The following PAQR3 variants were observed in gnomAD, a reference collection of about 807,000 sequenced individuals.
PAQR3 encodes progestin and adipoQ receptor family member 3.
A neutral mutation model predicts 41.7 loss-of-function variants in PAQR3; 39 were observed. The observed-to-expected ratio is 0.93, with a 90% confidence interval of 0.72 to 1.22. The LOEUF is 1.22. PAQR3 is among the 50% of genes most tolerant of loss of function. PAQR3 has a pLI of 0.00. For missense variants in PAQR3, 366 were observed against 385.6 expected (o/e 0.95, Z 0.42); for synonymous variants, 140 against 140.6 (o/e 1.00, Z 0.03).
chr4:78,938,314 TA>T (rs1043618969), intron 1 of PAQR3, among the ~76,000 whole-genome samples: 28 of 152,276 alleles, frequency 1.8e-4, no homozygotes, highest in Non-Finnish European at 4.4e-5. Flanking sequence ...TTTGTTTTTT[TA>T]AAACACGGAT....
At chr4:78,896,806 T>C (rs1300836864) in intron 11 of PAQR3, among the ~76,000 whole-genome samples, 1 of 152,204 alleles carries the variant, frequency 6.6e-6, no homozygotes, top group East Asian at 1.9e-4. Flanking sequence ...TTTAAATAAT[T>C]CTTTATTGAA....
At chr4:78,933,762 T>C (rs1737152774) in intron 2 of PAQR3, among the ~76,000 whole-genome samples, 1 of 152,234 alleles carries the variant, frequency 6.6e-6, no homozygotes, top group African/African-American at 2.4e-5. Flanking sequence ...TTAATCCTTT[T>C]TAGTTTTGCA....
chr4:78,919,100 CACA>C lies in PAQR3; in HGVS notation c.*1436_*1438del. ...CAAAAACACTACACTGGAAAAGAAA[CACA>C]ACATTTTACTGATGTATTAACTGAG... On this transcript the variant is annotated 3_prime_UTR_variant, in exon 6 of 6. Transcript: ENST00000512733. The C allele has an allele frequency of 1.0e-6, 1 of 984,918 alleles. No individual in the cohort carries two copies. Among genetic ancestry groups the C allele is most frequent in the East Asian group, 1.1e-4 (1 of 8,802 alleles). 61.0% of individuals were successfully genotyped at this position (984,918 alleles called of 1,614,324 possible).
At chr4:78,898,572 CTG>C (rs1733831481) in intron 11 of PAQR3, among the ~76,000 whole-genome samples, 2 of 149,820 alleles carry the variant, frequency 1.3e-5, no homozygotes, top group Admixed American at 6.6e-5. Flanking sequence ...ACTGGAAAGA[CTG>C]TAATCTTTCT....
downstream of PAQR3, chr4:78,911,701 G>T: frequency 6.2e-7 from 1 of 1,613,890 alleles, no homozygotes; most frequent in Non-Finnish European, 8.5e-7. Flanking sequence ...ACTGACTGAT[G>T]GGAAAGATAG....
intron 11 of PAQR3, among the ~76,000 whole-genome samples, chr4:78,903,661 T>C (rs1377691495): frequency 3.0e-4 from 46 of 151,980 alleles, no homozygotes; most frequent in Non-Finnish European, 2.9e-5. Context: ...TAAAGCCTTA[T>C]AGTGTTTCTA....
intron 11 of PAQR3, among the ~76,000 whole-genome samples, chr4:78,899,639 G>A (rs1252012344): frequency 6.6e-6 from 1 of 151,816 alleles, no homozygotes; most frequent in Non-Finnish European, 1.5e-5. Flanking sequence ...AGAAGTACAG[G>A]AGGGCTGAAG....
rs1735480175 is a variant in PAQR3 at position 78,919,813 on chromosome 4, ATAT to A, written c.*723_*725del. On this transcript the variant is annotated 3_prime_UTR_variant, in exon 6 of 6. Coordinates refer to ENST00000512733, the MANE Select transcript of PAQR3 (RefSeq NM_001040202.2). ...TAAAATGTTTAGGTGGCTAATGACT[ATAT>A]TATTTGACCACATAATTTGTTGTCT... The A allele has an allele frequency of 1.0e-6, 1 of 982,242 alleles. No individual in the cohort carries two copies. The highest frequency in any genetic ancestry group is 1.2e-6 in the Non-Finnish European group (1 of 827,022). The allele number at this position is 982,242 out of a possible 1,614,324, so 60.8% of individuals were successfully genotyped here.
At chr4:78,938,032 C>T (rs572283508) in intron 1 of PAQR3, among the ~76,000 whole-genome samples, 1 of 152,292 alleles carries the variant, frequency 6.6e-6, no homozygotes, top group East Asian at 1.9e-4. Flanking sequence ...AGTGATGTCA[C>T]CTTGTGACCA....
intron 5 of PAQR3, chr4:78,922,385 G>A (rs985575976): frequency 5.4e-6 from 7 of 1,288,698 alleles, no homozygotes; most frequent in Middle Eastern, 2.1e-4. Flanking sequence ...CGTGACGAGT[G>A]GTACAATCCC....
intron 4 of PAQR3, among the ~76,000 whole-genome samples, chr4:78,926,218 T>C (rs1212559450): frequency 1.3e-5 from 2 of 152,144 alleles, no homozygotes; most frequent in African/African-American, 4.8e-5. Flanking sequence ...GCTAGAAACT[T>C]TGGAGTCCTC....
chr4:78,888,338 C>T (rs142883470), intron 11 of PAQR3, among the ~76,000 whole-genome samples: 7 of 152,258 alleles, frequency 4.6e-5, no homozygotes, highest in African/African-American at 1.7e-4. Flanking sequence ...TAAATGTGTT[C>T]CCTTATACCC....
chr4:78,902,198 G>A (rs1453086227), intron 11 of PAQR3, among the ~76,000 whole-genome samples: 1 of 152,124 alleles, frequency 6.6e-6, no homozygotes, highest in East Asian at 1.9e-4. Flanking sequence ...TCACTGACTT[G>A]CTTAAGCTTA....
chr4:78,939,021 G>C lies in PAQR3; in HGVS notation c.185+19C>G. Reference sequence around the variant, plus strand: ...GGTGAGAGAAGGGGGCACTCCAGGCGGAGGCAGCCAGACCGTACCTTTTGA... The same window carrying C: ...GGTGAGAGAAGGGGGCACTCCAGGCCGAGGCAGCCAGACCGTACCTTTTGA... On this transcript the variant is annotated intron_variant, in intron 1 of 5. Transcript: ENST00000512733. 1 of 1,571,028 alleles carries C rather than the reference G, an allele frequency of 6.4e-7. No homozygotes were observed. The highest frequency in any genetic ancestry group is 8.7e-7 in the Non-Finnish European group (1 of 1,150,430).
At chr4:78,891,940 C>T (rs559872196) in intron 11 of PAQR3, among the ~76,000 whole-genome samples, 1 of 152,278 alleles carries the variant, frequency 6.6e-6, no homozygotes, top group South Asian at 2.1e-4. Context: ...AAATGCCAAA[C>T]CGACACTGAA....
In PAQR3 at chr4:78,919,470, T is replaced by C. The variant is rs144581916; in HGVS notation, c.*1069A>G. On this transcript the variant is annotated 3_prime_UTR_variant, in exon 6 of 6. Coordinates refer to ENST00000512733, the MANE Select transcript of PAQR3 (RefSeq NM_001040202.2). ...TGCTTCAGGCCCAAATATTAAGTGT[T>C]TATCAAGATTCTGAGTTATCAATGC... 4,407 of 985,048 alleles carry C rather than the reference T, an allele frequency of 4.5e-3. 16 individuals carry two copies. The highest frequency in any genetic ancestry group is 5.0e-3 in the Non-Finnish European group (4,185 of 829,684). 61.0% of individuals were successfully genotyped at this position (985,048 alleles called of 1,614,324 possible).
At chr4:78,896,819 T>A (rs1297140951) in intron 11 of PAQR3, among the ~76,000 whole-genome samples, 2 of 152,348 alleles carry the variant, frequency 1.3e-5, no homozygotes, top group East Asian at 3.9e-4. Flanking sequence ...TTATTGAATA[T>A]CCTTACACAT....
exon 12 of PAQR3, chr4:78,888,077 G>A (rs977155601): frequency 3.3e-5 from 5 of 152,192 alleles, no homozygotes; most frequent in Non-Finnish European, 5.9e-5. Context: ...AAAGCCAAAA[G>A]AAGAATTGAG....
intron 11 of PAQR3, among the ~76,000 whole-genome samples, chr4:78,902,917 A>G (rs562857958): frequency 3.8e-4 from 58 of 152,272 alleles, no homozygotes; most frequent in African/African-American, 1.3e-3. Flanking sequence ...ATAGTGTGGC[A>G]TTAACTAGGA....
Sources: gnomAD v4.1 joint callset for allele counts (sites outside exome capture counted in the v4.1 genomes callset) on GRCh38, gnomAD v4.1.1 for gene constraint, MANE v1.5 for transcripts, NCBI Gene and HGNC (gene_info 2026-07-23, HGNC 2026-07-21) for gene names.